Variants in ITSN1 observed in about 807,000 individuals in gnomAD.
The protein encoded by ITSN1 is intersectin-1.
In ITSN1, 58 loss-of-function variants were observed where a neutral mutation model predicts 239.8. The ratio of observed to expected loss-of-function variants is 0.24; its 90% CI spans 0.20 to 0.30. ITSN1 has a LOEUF of 0.30. Among genes scored for constraint, ITSN1 ranks in the 10% least tolerant of loss-of-function variants. The pLI is 1.00. For missense variants in ITSN1, 1,558 were observed against 2,103.3 expected (o/e 0.74, Z 5.07); for synonymous variants, 780 against 770.8 (o/e 1.01, Z -0.20).
intron 14 of ITSN1, among the ~76,000 whole-genome samples, chr21:33,780,329 A>G (rs1435226951): frequency 6.6e-6 from 1 of 152,258 alleles, no homozygotes; most frequent in East Asian, 1.9e-4. Context: ...GAAGTGAAAA[A>G]TAAAACATTC....
At chr21:33,719,137 T>C (rs541732478) in intron 2 of ITSN1, among the ~76,000 whole-genome samples, 1 of 152,212 alleles carries the variant, frequency 6.6e-6, no homozygotes, top group East Asian at 1.9e-4. Flanking sequence ...CATTATCACA[T>C]CTATAAAAAT....
At chr21:33,848,376 G>GATCTTGGAC (rs2075050018) in intron 29 of ITSN1, among the ~76,000 whole-genome samples, 1 of 152,238 alleles carries the variant, frequency 6.6e-6, no homozygotes, top group African/African-American at 2.4e-5. Context: ...AACCAGCCCT[G>GATCTTGGAC]TTGTCACCTT....
intron 20 of ITSN1, among the ~76,000 whole-genome samples, chr21:33,806,523 G>A (rs987312945): frequency 6.6e-6 from 1 of 152,218 alleles, no homozygotes; most frequent in Non-Finnish European, 1.5e-5. Context: ...TAATATCATC[G>A]GCCTTTGCCA....
chr21:33,710,304 T>C (rs958260327), intron 1 of ITSN1, among the ~76,000 whole-genome samples: 1 of 151,954 alleles, frequency 6.6e-6, no homozygotes, highest in Admixed American at 6.6e-5. Flanking sequence ...GGTCTCGACC[T>C]CCTGACCTCG....
intron 5 of ITSN1, among the ~76,000 whole-genome samples, chr21:33,736,945 A>G (rs1177238103): frequency 1.3e-5 from 2 of 152,228 alleles, no homozygotes; most frequent in East Asian, 1.9e-4. Context: ...AGATCACACT[A>G]CTGCACCCCA....
At chr21:33,810,848 G>A in intron 20 of ITSN1, 127 bp from the exon 21 acceptor site, 1 of 1,063,160 alleles carries the variant, frequency 9.4e-7, no homozygotes, top group East Asian at 2.4e-5. Flanking sequence ...CTTGGACTAA[G>A]ATGAAGAGAT....
intron 1 of ITSN1, among the ~76,000 whole-genome samples, chr21:33,657,971 G>T (rs1175136334): frequency 2.0e-5 from 3 of 152,112 alleles, no homozygotes; most frequent in Non-Finnish European, 4.4e-5. Flanking sequence ...GAGCGACAGA[G>T]CCAGATTCTG....
rs1555878204 is a variant in ITSN1, at chr21:33,700,075, T to TTTG, written c.-32-18713_-32-18711dup. The stretch of plus-strand genomic sequence containing the variant: ...CCTGCCCTGCTTGAATTGTTTTTTT[T>TTTG]TTGTTGTTGTTTTGTTTTTTTTTGG... On this transcript the variant is annotated intron_variant, in intron 1 of 39. Coordinates refer to ENST00000381318, the MANE Select transcript of ITSN1 (RefSeq NM_003024.3). Among the ~76,000 whole-genome samples the TTTG allele has an allele frequency of 2.2e-3, 333 of 151,244 alleles. 1 individual carries two copies. The highest frequency in any genetic ancestry group is 7.8e-3 in the African/African-American group (323 of 41,150).
At chr21:33,702,116 T>G (rs779731353) in intron 1 of ITSN1, among the ~76,000 whole-genome samples, 22,840 of 145,490 alleles carry the variant, frequency 0.16, 2,614 homozygotes, top group East Asian at 0.26. Flanking sequence ...TTTTTTTTTT[T>G]TTTTTTTTTT....
chr21:33,882,220 T>C lies in ITSN1; in HGVS notation c.4342-23T>C, dbSNP rs758353500. On this transcript the variant is annotated intron_variant, in intron 34 of 39. Coordinates refer to ENST00000381318, the MANE Select transcript of ITSN1 (RefSeq NM_003024.3). This position sits in a 1 kb window ranked among gnomAD's most constrained non-coding sequence, Gnocchi z 4.5. Reference sequence around the variant, plus strand: ...GCGGAGAAACAAAAATGCTACACTTTGGGTTTTGTTTTCCTTTCTCAGCAA... The same window carrying C: ...GCGGAGAAACAAAAATGCTACACTTCGGGTTTTGTTTTCCTTTCTCAGCAA... The C allele has an allele frequency of 6.2e-7, 1 of 1,606,780 alleles. No homozygotes were observed. Among genetic ancestry groups the C allele is most frequent in the African/African-American group, 1.3e-5 (1 of 74,698 alleles).
intron 27 of ITSN1, among the ~76,000 whole-genome samples, chr21:33,830,940 G>C (rs2074260832): frequency 6.6e-6 from 1 of 152,104 alleles, no homozygotes; most frequent in Non-Finnish European, 1.5e-5. Flanking sequence ...TGAGGGAGCA[G>C]CTGCTGCCAA....
At chr21:33,648,751 G>A (rs1601413984) in intron 1 of ITSN1, among the ~76,000 whole-genome samples, 1 of 152,134 alleles carries the variant, frequency 6.6e-6, no homozygotes, top group East Asian at 1.9e-4. Flanking sequence ...GCTGAGGTGG[G>A]AGGACTGTTT....
At chr21:33,834,826 G>A (rs1258314189) in intron 28 of ITSN1, among the ~76,000 whole-genome samples, 1 of 152,132 alleles carries the variant, frequency 6.6e-6, no homozygotes, top group African/African-American at 2.4e-5. Context: ...GGGGCCACGG[G>A]GGTTGGGGGG....
At chr21:33,871,306 G>A (rs1378175163) in intron 33 of ITSN1, among the ~76,000 whole-genome samples, 1 of 151,924 alleles carries the variant, frequency 6.6e-6, no homozygotes, top group Non-Finnish European at 1.5e-5. Context: ...ATGCTGTTAT[G>A]TGAAAAAGCA....
intron 15 of ITSN1, 23 bp downstream of exon 15, chr21:33,781,571 T>C (rs1762460863): frequency 1.5e-6 from 2 of 1,297,068 alleles, no homozygotes; most frequent in Non-Finnish European, 2.2e-6. Context: ...TTTTTAAAGT[T>C]GACCTTTTCT....
At chr21:33,744,489 A>G (rs771841923) in intron 5 of ITSN1, among the ~76,000 whole-genome samples, 4 of 152,148 alleles carry the variant, frequency 2.6e-5, no homozygotes, top group Admixed American at 6.5e-5. Context: ...AGTTCTGTTC[A>G]CTGAAAAGAC....
intron 22 of ITSN1, chr21:33,817,266 C>G (rs1199838018): frequency 7.7e-7 from 1 of 1,304,280 alleles, no homozygotes; most frequent in Non-Finnish European, 1.0e-6. Context: ...TGAGACTAGG[C>G]CACATGCAGC....
chr21:33,679,206 G>A (rs1002050666), intron 1 of ITSN1, among the ~76,000 whole-genome samples: 1 of 152,158 alleles, frequency 6.6e-6, no homozygotes, highest in Non-Finnish European at 1.5e-5. Flanking sequence ...TGTTTCAGGT[G>A]TGTTATTCCC....
Position 33,829,490 on chromosome 21 carries a change from G to A in ITSN1, c.3230-134G>A, listed in dbSNP as rs1019018026. ...ACGGGCGATTCAGGGAGCCTTACTC[G>A]TTGGGTAGAAATCCAGCTCAATACA... On this transcript the variant is annotated intron_variant, in intron 26 of 39. Coordinates refer to ENST00000381318, the MANE Select transcript of ITSN1 (RefSeq NM_003024.3). 3.3e-5 allele frequency: 30 copies of A among 913,714 alleles called. No homozygotes were observed. The Admixed American group carries it at 3.7e-4, about 11-fold the overall frequency. The allele number at this position is 913,714 out of a possible 1,614,324, so 56.6% of individuals were successfully genotyped here.
Sources: allele counts gnomAD v4.1 joint callset (sites outside exome capture counted in the v4.1 genomes callset), GRCh38; gene constraint gnomAD v4.1.1; non-coding constraint Gnocchi (gnomAD v3.1); transcripts MANE v1.5; gene names NCBI Gene and HGNC (gene_info 2026-07-23, HGNC 2026-07-21).